IMMT: variants seen among roughly 807,000 people sequenced by gnomAD.
IMMT encodes MICOS complex subunit MIC60.
IMMT carries 40 observed loss-of-function variants against 92.7 expected under a neutral mutation model. The ratio of observed to expected loss-of-function variants is 0.43; its 90% CI spans 0.34 to 0.56. The LOEUF (loss-of-function observed/expected upper bound fraction) is 0.56. Ranked by LOEUF, IMMT falls within the 20% of genes least tolerant of loss-of-function variation. IMMT has a pLI of 0.03. For missense variants in IMMT, 831 were observed against 912.1 expected (o/e 0.91, Z 1.14); for synonymous variants, 322 against 336.1 (o/e 0.96, Z 0.46).
At chr2:86,192,517 C>T (rs967537826) in intron 1 of IMMT, among the ~76,000 whole-genome samples, 3 of 152,140 alleles carry the variant, frequency 2.0e-5, no homozygotes, top group African/African-American at 4.8e-5. Context: ...TAAACATTCA[C>T]TGAGCATCTA....
chr2:86,167,453 G>T (rs1402793407), intron 6 of IMMT, among the ~76,000 whole-genome samples: 1 of 149,498 alleles, frequency 6.7e-6, no homozygotes, highest in African/African-American at 2.5e-5. Context: ...GATTACAGGC[G>T]TGAGCCACCG....
At chr2:86,170,545 T>C (rs76573561) in intron 6 of IMMT, among the ~76,000 whole-genome samples, 237 of 152,350 alleles carry the variant, frequency 1.6e-3, no homozygotes, top group African/African-American at 5.4e-3. Context: ...TCACCAACTA[T>C]ACACTAAGAA....
chr2:86,144,904 C>G (rs1674876348), intron 14 of IMMT, 23 bp from the exon 15 acceptor site: 1 of 1,561,256 alleles, frequency 6.4e-7, no homozygotes, highest in African/African-American at 1.4e-5. Context: ...AAAGGCAAAG[C>G]CAAACATTTT....
At chr2:86,177,916 C>T (rs1224464422) in intron 3 of IMMT, among the ~76,000 whole-genome samples, 1 of 152,186 alleles carries the variant, frequency 6.6e-6, no homozygotes, top group Non-Finnish European at 1.5e-5. Context: ...CTCCATTTAC[C>T]CTTGTGTGCA....
At chr2:86,172,579 C>T (rs938191234) in intron 4 of IMMT, among the ~76,000 whole-genome samples, 4 of 152,214 alleles carry the variant, frequency 2.6e-5, no homozygotes, top group African/African-American at 4.8e-5. Flanking sequence ...GTGATCCTCC[C>T]GCCTTGGTTT....
intron 4 of IMMT, among the ~76,000 whole-genome samples, chr2:86,172,942 T>C (rs78685157): frequency 5.0e-4 from 76 of 152,332 alleles, no homozygotes; most frequent in African/African-American, 1.8e-3. Flanking sequence ...TGACATCCTA[T>C]ACGTTTTACT....
At chr2:86,156,536 G>A (rs1434589964) in intron 10 of IMMT, among the ~76,000 whole-genome samples, 1 of 147,600 alleles carries the variant, frequency 6.8e-6, no homozygotes, top group Admixed American at 6.8e-5. Flanking sequence ...GGAGGTTGCA[G>A]TGAGCCAAGA....
intron 13 of IMMT, 84 bp from the exon 14 acceptor site, chr2:86,146,281 C>T: frequency 2.4e-6 from 3 of 1,264,184 alleles, no homozygotes; most frequent in Non-Finnish European, 2.2e-6. Context: ...CAACTACTTG[C>T]TGAAGCAAAG....
chr2:86,171,578 C>T (rs1192378360), intron 4 of IMMT: 4 of 460,122 alleles, frequency 8.7e-6, no homozygotes, highest in Non-Finnish European at 1.6e-5. Flanking sequence ...GTCTTGTCTG[C>T]ATCCACCTGC....
Position 86,195,434 on chromosome 2 carries a change from G to T in IMMT, c.-52C>A, listed in dbSNP as rs1673479234. The T allele has an allele frequency of 3.2e-5, 49 of 1,533,144 alleles. 1 individual carries two copies. In the South Asian group the frequency reaches 5.1e-4, roughly 16 times the overall value. The allele number at this position is 1,533,144 out of a possible 1,614,324, so 95.0% of individuals were successfully genotyped here. ...TGGACTCGAGCTGCCGCGGCGGCGCGAGTTAAGTGGAGGCGTGCTTGCGTG... is the reference window on the plus strand; with the variant it reads ...TGGACTCGAGCTGCCGCGGCGGCGCTAGTTAAGTGGAGGCGTGCTTGCGTG... On this transcript the variant is annotated 5_prime_UTR_variant, in exon 1 of 15. Transcript: ENST00000410111.
At chr2:86,145,487 T>C (rs1674927571) in intron 14 of IMMT, among the ~76,000 whole-genome samples, 1 of 103,172 alleles carries the variant, frequency 9.7e-6, no homozygotes, top group African/African-American at 4.0e-5. Flanking sequence ...AGAGCAAGAC[T>C]CTGTCTCAAA....
intron 13 of IMMT, among the ~76,000 whole-genome samples, chr2:86,147,197 T>C (rs1186180148): frequency 6.6e-6 from 1 of 152,250 alleles, no homozygotes; most frequent in Admixed American, 6.5e-5. Context: ...AAATAGAATT[T>C]AAAATACCTT....
chr2:86,167,445 T>C (rs558646813), intron 6 of IMMT, among the ~76,000 whole-genome samples: 1 of 151,144 alleles, frequency 6.6e-6, no homozygotes, highest in Admixed American at 6.6e-5. Context: ...AGTGCTGGGA[T>C]TACAGGCGTG....
intron 3 of IMMT, 33 bp downstream of exon 3, chr2:86,179,400 T>C (rs1472188112): frequency 3.4e-6 from 5 of 1,481,298 alleles, no homozygotes; most frequent in Non-Finnish European, 3.6e-6. Context: ...AGTATTTCAT[T>C]GGATAAACTG....
In IMMT at chr2:86,195,396, A is replaced by G. The variant is rs1673474641; in HGVS notation, c.-14T>C. ...GGCCCGCAGCATCTCGGTCAAGCGG[A>G]CGGCGCTGCTGGTGGACTCGAGCTG... On this transcript the variant is annotated 5_prime_UTR_variant, in exon 1 of 15. Transcript: ENST00000410111. The G allele has an allele frequency of 6.5e-7, 1 of 1,547,580 alleles. No individual in the cohort carries two copies. The highest frequency in any genetic ancestry group is 2.5e-5 in the East Asian group (1 of 40,658).
Position 86,195,425 on chromosome 2 carries a change from C to A in IMMT, c.-43G>T, listed in dbSNP as rs867198319. The A allele has an allele frequency of 1.9e-6, 3 of 1,541,052 alleles. No homozygotes were observed. Among genetic ancestry groups the A allele is most frequent in the Non-Finnish European group, 1.8e-6 (2 of 1,142,616 alleles). On this transcript the variant is annotated 5_prime_UTR_variant, in exon 1 of 15. Transcript: ENST00000410111. Reference sequence around the variant, plus strand: ...CGCTGCTGGTGGACTCGAGCTGCCGCGGCGGCGCGAGTTAAGTGGAGGCGT... The same window carrying A: ...CGCTGCTGGTGGACTCGAGCTGCCGAGGCGGCGCGAGTTAAGTGGAGGCGT...
At position 86,166,588 on chromosome 2, in the gene IMMT, C is replaced by T. The variant is rs1335361219; in HGVS notation, c.712G>A (p.Ala238Thr). 1.9e-6 allele frequency: 3 copies of T among 1,613,250 alleles called. 1 individual carries two copies. The South Asian group carries it at 3.3e-5, about 18-fold the overall frequency. Residue 238 changes from alanine to threonine, a missense_variant, in exon 7 of 15, where the codon GCT (alanine) becomes ACT (threonine). By Grantham distance (58) the Ala-to-Thr change is moderately conservative (BLOSUM62 0). Transcript: ENST00000410111. ...LRQTASVTLQ[A>T]IAAQNAAVQA... is the part of the protein sequence containing the mutation. ...ACCGCAGCATTCTGAGCTGCAATAG[C>T]CTGCAGAGTGACACTTGCAGTTTGC...
chr2:86,167,096 A>T (rs1322134416), intron 6 of IMMT, among the ~76,000 whole-genome samples: 144 of 138,408 alleles, frequency 1.0e-3, no homozygotes, highest in Middle Eastern at 3.8e-3. Context: ...AGACTCTCTC[A>T]AAAAAAAAAA....
intron 4 of IMMT, among the ~76,000 whole-genome samples, chr2:86,171,766 C>T (rs956334617): frequency 9.9e-5 from 15 of 151,622 alleles, no homozygotes; most frequent in Non-Finnish European, 2.2e-4. Flanking sequence ...TGGTAGAAGA[C>T]GTGTGAGCAG....
Sources: gnomAD v4.1 joint callset for allele counts (sites outside exome capture counted in the v4.1 genomes callset) on GRCh38, gnomAD v4.1.1 for gene constraint, MANE v1.5 for transcripts, NCBI Gene and HGNC (gene_info 2026-07-23, HGNC 2026-07-21) for gene names.